OSTF1: variants seen among roughly 807,000 people sequenced by gnomAD.
The protein encoded by OSTF1 is osteoclast stimulating factor 1.
In OSTF1, 27 loss-of-function variants were observed where a neutral mutation model predicts 37.2. The ratio of observed to expected loss-of-function variants is 0.73; its 90% CI spans 0.54 to 1.00. The LOEUF (loss-of-function observed/expected upper bound fraction) is 1.00, where lower values mean the gene tolerates loss of function less well. Ranked by LOEUF, OSTF1 falls within the 50% of genes least tolerant of loss-of-function variation. The pLI is 0.00. For missense variants in OSTF1, 232 were observed against 253.8 expected (o/e 0.91, Z 0.58); for synonymous variants, 82 against 89.2 (o/e 0.92, Z 0.46).
intron 2 of OSTF1, among the ~76,000 whole-genome samples, chr9:75,118,759 A>T (rs969475939): frequency 6.6e-6 from 1 of 152,176 alleles, no homozygotes; most frequent in African/African-American, 2.4e-5. Flanking sequence ...TTATAAAATC[A>T]ACACATCTTG....
chr9:75,095,082 G>A (rs1036554537), intron 1 of OSTF1, among the ~76,000 whole-genome samples: 1 of 152,036 alleles, frequency 6.6e-6, no homozygotes, highest in African/African-American at 2.4e-5. Flanking sequence ...AGAACTTCCT[G>A]GTTCTTTTAA....
chr9:75,110,985 C>G (rs1354703006), intron 1 of OSTF1, among the ~76,000 whole-genome samples: 1 of 152,156 alleles, frequency 6.6e-6, no homozygotes, highest in African/African-American at 2.4e-5. Flanking sequence ...TCCCAAAGTG[C>G]TGGGATTACA....
intron 3 of OSTF1, among the ~76,000 whole-genome samples, chr9:75,128,029 A>C (rs1825687934): frequency 6.6e-6 from 1 of 152,012 alleles, no homozygotes; most frequent in Non-Finnish European, 1.5e-5. Context: ...TTGAAAGATG[A>C]GTTGCAAAGT....
chr9:75,129,508 G>A (rs1406455832), intron 3 of OSTF1, among the ~76,000 whole-genome samples: 2 of 152,048 alleles, frequency 1.3e-5, no homozygotes, highest in Non-Finnish European at 2.9e-5. Context: ...AAAAGAAGCC[G>A]ACTAGATAGT....
intron 2 of OSTF1, among the ~76,000 whole-genome samples, chr9:75,124,095 T>G (rs1045051387): frequency 6.6e-6 from 1 of 152,156 alleles, no homozygotes; most frequent in Non-Finnish European, 1.5e-5. Context: ...TTTAAAAAAT[T>G]GAGGTAAAAT....
chr9:75,123,443 A>G (rs377036230), intron 2 of OSTF1, among the ~76,000 whole-genome samples: 1 of 152,186 alleles, frequency 6.6e-6, no homozygotes, highest in African/African-American at 2.4e-5. Context: ...AAAACAAAAA[A>G]CAAAAAACAA....
chr9:75,089,243 A>T (rs927498718), intron 1 of OSTF1, among the ~76,000 whole-genome samples: 6 of 150,810 alleles, frequency 4.0e-5, no homozygotes, highest in African/African-American at 1.5e-4. Context: ...TGACCTCGGG[A>T]TCTTGGGAAG....
chr9:75,098,793 T>C (rs1037525119), intron 1 of OSTF1, among the ~76,000 whole-genome samples: 2 of 152,186 alleles, frequency 1.3e-5, no homozygotes, highest in African/African-American at 4.8e-5. Context: ...ACAGAAATCA[T>C]TGTATTTGAT....
chr9:75,093,060 C>CT (rs1433476660), intron 1 of OSTF1, among the ~76,000 whole-genome samples: 15,339 of 134,738 alleles, frequency 0.11, 2,056 homozygotes, highest in African/African-American at 0.32. Context: ...CTCTTTCTTT[C>CT]TTTCTTTTTT....
intron 1 of OSTF1, among the ~76,000 whole-genome samples, chr9:75,091,945 C>T (rs956035432): frequency 2.6e-5 from 4 of 152,142 alleles, no homozygotes; most frequent in African/African-American, 9.7e-5. Context: ...GACAGATTTT[C>T]CTGTGGGTTC....
In OSTF1 at chr9:75,113,685, AC is replaced by A. The variant is rs1447757280; in HGVS notation, c.35-3818del. ...GCTGGGCAACCCTTTTTGTTAATGG[AC>A]AAGTAAAAATTGTATACATTATGGT... is the stretch of plus-strand genomic sequence containing the variant. On this transcript the variant is annotated intron_variant, in intron 1 of 9. Coordinates refer to ENST00000346234, the MANE Select transcript of OSTF1 (RefSeq NM_012383.5). Among the ~76,000 whole-genome samples the A allele has an allele frequency of 2.6e-5, 4 of 152,138 alleles. No individual in the cohort carries two copies. In the East Asian group the frequency reaches 7.8e-4, roughly 29 times the overall value.
intron 1 of OSTF1, among the ~76,000 whole-genome samples, chr9:75,108,186 CT>C (rs1468359280): frequency 6.6e-6 from 1 of 151,964 alleles, no homozygotes; most frequent in Non-Finnish European, 1.5e-5. Context: ...GATTGCACCA[CT>C]GTACTCCAAC....
At chr9:75,098,325 G>C (rs56088039) in intron 1 of OSTF1, among the ~76,000 whole-genome samples, 2 of 152,162 alleles carry the variant, frequency 1.3e-5, no homozygotes, top group Non-Finnish European at 2.9e-5. Flanking sequence ...AAACAACAAA[G>C]AGATGGGAAA....
intron 2 of OSTF1, among the ~76,000 whole-genome samples, chr9:75,119,856 C>T (rs946097429): frequency 1.9e-4 from 29 of 151,974 alleles, no homozygotes; most frequent in African/African-American, 5.6e-4. Flanking sequence ...CCCAGCTACT[C>T]GGGAGACCGA....
chr9:75,088,582 C>T lies in OSTF1; in HGVS notation c.-111C>T. ...AAGGGTGGGCGCCGGTCCTAGGAGG[C>T]GCACGGTTGTAAGCCAGACAAAAAG... On this transcript the variant is annotated 5_prime_UTR_variant, in exon 1 of 10. Transcript: ENST00000346234. 2 of 1,190,996 alleles carry T rather than the reference C, an allele frequency of 1.7e-6. No homozygotes were observed. Among genetic ancestry groups the T allele is most frequent in the Non-Finnish European group, 2.4e-6 (2 of 820,916 alleles). 73.8% of individuals were successfully genotyped at this position (1,190,996 alleles called of 1,614,324 possible).
chr9:75,112,121 CTT>C (rs35036131), intron 1 of OSTF1, among the ~76,000 whole-genome samples: 225 of 143,074 alleles, frequency 1.6e-3, no homozygotes, highest in Middle Eastern at 7.4e-3. Context: ...CAGCCTACTG[CTT>C]TTTTTTTTTT....
chr9:75,108,557 A>G (rs890056234), intron 1 of OSTF1, among the ~76,000 whole-genome samples: 19 of 152,214 alleles, frequency 1.2e-4, no homozygotes, highest in African/African-American at 4.6e-4. Flanking sequence ...GAAAATTATT[A>G]TATAAAGAGT....
intron 8 of OSTF1, among the ~76,000 whole-genome samples, 170 bp from the exon 9 acceptor site, chr9:75,140,664 A>T (rs1374000237): frequency 6.6e-6 from 1 of 152,230 alleles, no homozygotes; most frequent in Non-Finnish European, 1.5e-5. Context: ...CCGATTAAAG[A>T]TGCCAAATTA....
chr9:75,125,601 A>G (rs1255573414), intron 2 of OSTF1, among the ~76,000 whole-genome samples: 1 of 152,238 alleles, frequency 6.6e-6, no homozygotes, highest in Non-Finnish European at 1.5e-5. Flanking sequence ...AGCAATATAT[A>G]TTTCAGAAAG....
Sources: allele counts gnomAD v4.1 joint callset (sites outside exome capture counted in the v4.1 genomes callset), GRCh38; gene constraint gnomAD v4.1.1; transcripts MANE v1.5; gene names NCBI Gene and HGNC (gene_info 2026-07-23, HGNC 2026-07-21).